MANBA: variants seen among roughly 807,000 people sequenced by gnomAD.
MANBA encodes the protein beta-mannosidase.
Under a neutral mutation model 111.1 loss-of-function variants are expected in MANBA, and 83 were observed. The observed-to-expected ratio is 0.75, with a 90% CI of 0.63 to 0.90. The LOEUF (loss-of-function observed/expected upper bound fraction) is 0.90, where lower values mean the gene tolerates loss of function less well. MANBA is among the 40% of genes least tolerant of loss of function. The probability of loss-of-function intolerance (pLI) is 0.00; values close to 1 mark genes in which losing one functional copy is unlikely to be tolerated. For missense variants in MANBA, 1,036 were observed against 1,069.0 expected, an observed-to-expected ratio of 0.97 and a Z score of 0.43; for synonymous variants, 370 against 378.7, an observed-to-expected ratio of 0.98 and a Z score of 0.27.
At position 102,728,476 on chromosome 4, in the gene MANBA, C is replaced by T. The variant is rs1223434345; in HGVS notation, c.178-1793G>A. 100 of 387,582 alleles carry T rather than the reference C, an allele frequency of 2.6e-4. 1 individual carries two copies. The Admixed American group carries it at 3.5e-3, about 14-fold the overall frequency. 24.0% of individuals were successfully genotyped at this position (387,582 alleles called of 1,614,324 possible). A position where few individuals can be genotyped will look rare whatever the true frequency, so the allele number is the denominator to read the frequency against. Reference sequence around the variant, plus strand: ...ACTCTTTGTATGGTTTTTCGGAATACCCATCTTTCACATTTGAAAAAAACA... The same window carrying T: ...ACTCTTTGTATGGTTTTTCGGAATATCCATCTTTCACATTTGAAAAAAACA... On this transcript the variant is annotated intron_variant, in intron 1 of 16. Transcript: ENST00000647097.
At chr4:102,743,289 T>C (rs1723474882) in intron 1 of MANBA, among the ~76,000 whole-genome samples, 1 of 152,200 alleles carries the variant, frequency 6.6e-6, no homozygotes, top group Non-Finnish European at 1.5e-5. Flanking sequence ...CTACAGCCCA[T>C]GAATCAGTAT....
chr4:102,642,179 A>C (rs1729905962), intron 13 of MANBA, among the ~76,000 whole-genome samples: 1 of 152,150 alleles, frequency 6.6e-6, no homozygotes, highest in Non-Finnish European at 1.5e-5. Context: ...CCCTTTAAAA[A>C]CTGTACCTAT....
intron 4 of MANBA, among the ~76,000 whole-genome samples, chr4:102,717,698 G>A (rs891596553): frequency 1.3e-5 from 2 of 152,098 alleles, no homozygotes; most frequent in African/African-American, 4.8e-5. Flanking sequence ...CGGCCCAGAA[G>A]CATTCCTTTC....
At chr4:102,736,694 T>C (rs1022073495) in intron 1 of MANBA, among the ~76,000 whole-genome samples, 9 of 152,212 alleles carry the variant, frequency 5.9e-5, no homozygotes, top group Admixed American at 3.9e-4. Context: ...CAAACTGAGA[T>C]AAAACGGCAG....
At position 102,759,657 on chromosome 4, in the gene MANBA, G is replaced by C. The variant is rs973617871; in HGVS notation, c.177+1061C>G. Among the ~76,000 whole-genome samples the C allele has an allele frequency of 8.5e-4, 129 of 151,212 alleles. 1 individual carries two copies. Among genetic ancestry groups the C allele is most frequent in the Non-Finnish European group, 1.5e-5 (1 of 67,978 alleles). ...GTCATGCAAATAAACTTAGAATGGT[G>C]CTCCTGAAAGTCAGCCACAGTGCTT... On this transcript the variant is annotated intron_variant, in intron 1 of 16. Coordinates refer to ENST00000647097, the MANE Select transcript of MANBA (RefSeq NM_005908.4).
chr4:102,744,388 T>C (rs964472251), intron 1 of MANBA, among the ~76,000 whole-genome samples: 1 of 152,218 alleles, frequency 6.6e-6, no homozygotes, highest in Non-Finnish European at 1.5e-5. Flanking sequence ...ATCAATGTAA[T>C]GGACCAGTGT....
Position 102,657,566 on chromosome 4 carries a change from A to C in MANBA, c.1704+116T>G, listed in dbSNP as rs1578875700. On this transcript the variant is annotated intron_variant, in intron 12 of 16. Coordinates refer to ENST00000647097, the MANE Select transcript of MANBA (RefSeq NM_005908.4). ...AATTATTTTCCTCCATCTTCTTCTC[A>C]AACTTTCATTTAAATAAGACGTAGG... 9.1e-6 allele frequency: 8 copies of C among 874,712 alleles called. No individual in the cohort carries two copies. The East Asian group carries it at 1.3e-4, about 14-fold the overall frequency. The allele number at this position is 874,712 out of a possible 1,614,324, so 54.2% of individuals were successfully genotyped here. A position where few individuals can be genotyped will look rare whatever the true frequency, so the allele number is the denominator to read the frequency against.
intron 1 of MANBA, among the ~76,000 whole-genome samples, chr4:102,734,091 G>C (rs1439158596): frequency 1.3e-5 from 2 of 152,238 alleles, no homozygotes; most frequent in African/African-American, 4.8e-5. Flanking sequence ...GAACCCTAAT[G>C]TAAAGTGTGG....
rs1578889158 is a variant in MANBA, at chr4:102,672,235, C to T, written c.1113-837G>A. The T allele has an allele frequency of 2.0e-4, 78 of 395,674 alleles. 1 individual carries two copies. In the East Asian group the frequency reaches 2.8e-3, roughly 14 times the overall value. 24.5% of individuals were successfully genotyped at this position (395,674 alleles called of 1,614,324 possible). On this transcript the variant is annotated intron_variant, in intron 8 of 16. Coordinates refer to ENST00000647097, the MANE Select transcript of MANBA (RefSeq NM_005908.4). ...TTTAGTTACTGATGACATTTACATT[C>T]TAAACATCAAATAATATACTACAAT...
At position 102,729,660 on chromosome 4, in the gene MANBA, A is replaced by C; in HGVS notation, c.178-2977T>G. The C allele has an allele frequency of 4.1e-6, 6 of 1,461,258 alleles. No homozygotes were observed. In the South Asian group the frequency reaches 4.5e-5, roughly 11 times the overall value. The allele number at this position is 1,461,258 out of a possible 1,614,324, so 90.5% of individuals were successfully genotyped here. On this transcript the variant is annotated intron_variant, in intron 1 of 16. Transcript: ENST00000647097. ...ATACTTGTTCTTGAAGTCCTCCACC[A>C]GCCCGGGCATGTTGCCAAGCTCCGC...
At chr4:102,665,490 C>T (rs986320430) in intron 10 of MANBA, 2 of 152,272 alleles carry the variant, frequency 1.3e-5, no homozygotes, top group South Asian at 2.1e-4. Context: ...CTATCAATGT[C>T]GTGTCCTGAG....
chr4:102,678,496 T>A (rs775576424), intron 7 of MANBA, among the ~76,000 whole-genome samples: 5 of 150,452 alleles, frequency 3.3e-5, no homozygotes, highest in Non-Finnish European at 7.4e-5. Flanking sequence ...AAATATATAA[T>A]CTTCATATGA....
At chr4:102,643,813 G>A (rs1037691605) in intron 13 of MANBA, among the ~76,000 whole-genome samples, 1 of 152,086 alleles carries the variant, frequency 6.6e-6, no homozygotes, top group Non-Finnish European at 1.5e-5. Context: ...CATATGGTTT[G>A]TAAATTTTTT....
intron 5 of MANBA, among the ~76,000 whole-genome samples, chr4:102,700,002 T>C (rs1315645837): frequency 2.0e-5 from 3 of 151,986 alleles, no homozygotes; most frequent in Non-Finnish European, 2.9e-5. Context: ...CTCTTTTTGG[T>C]TGGTAAGCTA....
chr4:102,636,054 G>A, intron 14 of MANBA, 47 bp from the exon 15 acceptor site: 1 of 1,564,636 alleles, frequency 6.4e-7, no homozygotes, highest in South Asian at 1.1e-5. Context: ...CAAGTAGTCA[G>A]AGAGGCACTG....
intron 6 of MANBA, 27 bp downstream of exon 6, chr4:102,690,569 T>C (rs754952943): frequency 6.3e-7 from 1 of 1,599,816 alleles, no homozygotes; most frequent in African/African-American, 1.3e-5. Context: ...TTTCATCCAG[T>C]GCTTCTCAGG....
intron 13 of MANBA, among the ~76,000 whole-genome samples, chr4:102,646,695 T>C (rs1730119511): frequency 1.3e-5 from 2 of 152,168 alleles, no homozygotes; most frequent in South Asian, 2.1e-4. Flanking sequence ...GTCCTCAAAC[T>C]AGAGAGTGAG....
At position 102,631,937 on chromosome 4, in the gene MANBA, C is replaced by A; in HGVS notation, c.*120G>T. 1 of 865,746 alleles carries A rather than the reference C, an allele frequency of 1.2e-6. No homozygotes were observed. The highest frequency in any genetic ancestry group is 1.9e-6 in the Non-Finnish European group (1 of 524,546). The allele number at this position is 865,746 out of a possible 1,614,324, so 53.6% of individuals were successfully genotyped here. ...TCTTCACAGAGCAATCGCTCAAATGCGTGGCAGCACGCAGACATGTCTCTC... is the reference window on the plus strand; with the variant it reads ...TCTTCACAGAGCAATCGCTCAAATGAGTGGCAGCACGCAGACATGTCTCTC... On this transcript the variant is annotated 3_prime_UTR_variant, in exon 17 of 17. Transcript: ENST00000647097.
intron 1 of MANBA, chr4:102,734,285 G>C (rs894712100): frequency 5.6e-6 from 8 of 1,430,626 alleles, no homozygotes; most frequent in South Asian, 1.3e-5. Flanking sequence ...CGGGGGAGAA[G>C]GGCAGCAGCG....
Sources: gnomAD v4.1 joint callset for allele counts (sites outside exome capture counted in the v4.1 genomes callset) on GRCh38, gnomAD v4.1.1 for gene constraint, MANE v1.5 for transcripts, NCBI Gene and HGNC (gene_info 2026-07-23, HGNC 2026-07-21) for gene names.